IGDCC4: variants seen among roughly 807,000 people sequenced by gnomAD.
IGDCC4 encodes the protein likely ortholog of mouse neighbor of Punc E11.
IGDCC4 carries 72 observed loss-of-function variants against 116.6 expected under a neutral mutation model. That is an observed-to-expected ratio of 0.62 (90% CI 0.51 to 0.75). The LOEUF (loss-of-function observed/expected upper bound fraction) is 0.75. IGDCC4 is among the 30% of genes least tolerant of loss of function. The pLI is 0.00. For missense variants in IGDCC4, 1,501 were observed against 1,662.4 expected (o/e 0.90, Z 1.69); for synonymous variants, 709 against 719.9 (o/e 0.98, Z 0.24).
intron 3 of IGDCC4, among the ~76,000 whole-genome samples, chr15:65,406,408 C>G (rs2063041567): frequency 6.6e-6 from 1 of 152,188 alleles, no homozygotes; most frequent in Admixed American, 6.5e-5. Flanking sequence ...TCATTGATTA[C>G]TAGTTCCCAT....
intron 1 of IGDCC4, among the ~76,000 whole-genome samples, chr15:65,421,460 T>A (rs2063189572): frequency 6.6e-6 from 1 of 152,138 alleles, no homozygotes. Context: ...CGCGGCGGCC[T>A]CCAGCTTAAT....
chr15:65,396,910 G>A lies in IGDCC4; in HGVS notation c.921C>T (p.Ser307=). 1 of 1,573,172 alleles carries A rather than the reference G, an allele frequency of 6.4e-7. No homozygotes were observed. The highest frequency in any genetic ancestry group is 8.6e-7 in the Non-Finnish European group (1 of 1,159,022). Residue 307 remains serine (S), a synonymous_variant, in exon 6 of 20, where the codon TCC becomes TCT. Coordinates refer to ENST00000352385, the MANE Select transcript of IGDCC4 (RefSeq NM_020962.3). The part of the protein sequence containing the change: ...LLIANAQPWH[S]GVYVCRANKP... ...TGTTGGCGCGGCAGACATAGACGCC[G>A]GAGTGCCAGGGCTGCGCGTTGGCAA...
intron 3 of IGDCC4, 146 bp downstream of exon 3, chr15:65,410,032 C>T (rs1460856134): frequency 4.1e-6 from 4 of 965,660 alleles, no homozygotes; most frequent in Non-Finnish European, 4.5e-6. Flanking sequence ...TGGGACTAGA[C>T]ATGAGCCAGG....
At position 65,388,524 on chromosome 15, in the gene IGDCC4, C is replaced by T; in HGVS notation, c.2770G>A (p.Gly924Arg). The change falls in exon 16 of 20, where the codon GGG becomes AGG. Residue 924 changes from glycine (G) to arginine (R), a missense_variant. Physicochemically the swap from Gly to Arg is moderately radical, Grantham distance 125. This residue lies in a region of IGDCC4 where 235 missense variants were observed against 328.0 expected (regional missense o/e 0.72). Coordinates refer to ENST00000352385, the MANE Select transcript of IGDCC4 (RefSeq NM_020962.3). ...ESDTRYFFKM[G>R]ARTEVGPGPF... ...CCAGGTCCCACCTCTGTGCGCGCCC[C>T]CATCTTGAAGAAGTACCGAGTGTCG... 1.2e-6 allele frequency: 2 copies of T among 1,614,176 alleles called. No individual in the cohort carries two copies. Among genetic ancestry groups the T allele is most frequent in the Non-Finnish European group, 1.7e-6 (2 of 1,180,038 alleles).
Position 65,386,030 on chromosome 15 carries a change from G to T in IGDCC4, c.2981C>A (p.Ala994Asp). The part of the protein sequence containing the change: ...RESLPGLSST[A>D]TPGNPALYSR... ...GTACAGCGCGGGATTCCCGGGGGTG[G>T]CGGTGGAGGACAGGCCTGGGAGGGA... The change falls in exon 18 of 20, where the codon GCC (alanine) becomes GAC (aspartate). Residue 994 changes from alanine (A) to aspartate (D), a missense_variant. Ala to Asp is a moderately radical substitution (Grantham distance 126). Around this residue, in one of 3 missense-constraint regions of IGDCC4, gnomAD observed 368 missense variants for 355.6 expected, o/e 1.03. Transcript: ENST00000352385. 1 of 1,546,986 alleles carries T rather than the reference G, an allele frequency of 6.5e-7. No homozygotes were observed. Among genetic ancestry groups the T allele is most frequent in the African/African-American group, 1.4e-5 (1 of 72,354 alleles).
At chr15:65,394,972 G>A (rs190651600) in intron 8 of IGDCC4, 122 bp downstream of exon 8, 17 of 1,088,600 alleles carry the variant, frequency 1.6e-5, no homozygotes, top group South Asian at 8.6e-5. Flanking sequence ...ACTCTCTTAC[G>A]GGGCACAAAA....
At position 65,395,199 on chromosome 15, in the gene IGDCC4, G is replaced by T. The variant is rs749510394; in HGVS notation, c.1471C>A (p.Arg491=). 2 of 1,613,966 alleles carry T rather than the reference G, an allele frequency of 1.2e-6. No individual in the cohort carries two copies. Among genetic ancestry groups the T allele is most frequent in the African/African-American group, 2.7e-5 (2 of 75,004 alleles). The change falls in exon 8 of 20, where the codon CGG becomes AGG. Residue 491 remains arginine (R), a synonymous_variant. Transcript: ENST00000352385. ...VNNDTTELQV[R]DLEPNTDYEF... ...TAATCTGTGTTGGGTTCCAGGTCCC[G>T]AACCTGTAGTTCTGTGGTGTCGTTG... is the stretch of plus-strand genomic sequence containing the variant.
At chr15:65,390,134 A>T in intron 13 of IGDCC4, 21 bp downstream of exon 13, 2 of 1,530,862 alleles carry the variant, frequency 1.3e-6, no homozygotes, top group Non-Finnish European at 1.8e-6. Flanking sequence ...TCTTTACATT[A>T]GTAAAGGCAT....
In IGDCC4 at chr15:65,397,658, C is replaced by T. The variant is rs60261687; in HGVS notation, c.842-669G>A. 2.7e-3 allele frequency among the ~76,000 whole-genome samples: 396 copies of T among 146,326 alleles called. 4 individuals carry two copies. The highest frequency in any genetic ancestry group is 0.023 in the East Asian group (111 of 4,828). ...CAGCCTGGGCAACATAGTGAGACTC[C>T]GTCTCTATAAAAAAAAAAAAAAAAA... On this transcript the variant is annotated intron_variant, in intron 5 of 19. Coordinates refer to ENST00000352385, the MANE Select transcript of IGDCC4 (RefSeq NM_020962.3).
At chr15:65,405,609 A>G (rs2063033846) in intron 3 of IGDCC4, among the ~76,000 whole-genome samples, 1 of 152,180 alleles carries the variant, frequency 6.6e-6, no homozygotes, top group African/African-American at 2.4e-5. Context: ...ACATAAACAT[A>G]TTTATGAATT....
intron 3 of IGDCC4, among the ~76,000 whole-genome samples, chr15:65,404,061 G>A (rs149556986): frequency 5.9e-4 from 90 of 152,180 alleles, no homozygotes; most frequent in African/African-American, 2.1e-3. Flanking sequence ...GCAGTTGTGC[G>A]CTTGGTGGAG....
chr15:65,400,142 A>G (rs2062970280), intron 5 of IGDCC4, among the ~76,000 whole-genome samples: 1 of 152,188 alleles, frequency 6.6e-6, no homozygotes, highest in South Asian at 2.1e-4. Context: ...TGCTTAGGAG[A>G]CTGCACAGTG....
chr15:65,405,078 G>A (rs2063027195), intron 3 of IGDCC4, among the ~76,000 whole-genome samples: 1 of 144,100 alleles, frequency 6.9e-6, no homozygotes, highest in Non-Finnish European at 1.5e-5. Flanking sequence ...TTGCTAAAAT[G>A]TGTTTTTAGA....
intron 3 of IGDCC4, 152 bp downstream of exon 3, chr15:65,410,026 A>T: frequency 1.1e-6 from 1 of 915,532 alleles, no homozygotes; most frequent in Non-Finnish European, 1.6e-6. Flanking sequence ...TCTCTTTGGG[A>T]CTAGACATGA....
chr15:65,405,021 C>G (rs1159609726), intron 3 of IGDCC4, among the ~76,000 whole-genome samples: 1 of 151,700 alleles, frequency 6.6e-6, no homozygotes, highest in East Asian at 1.9e-4. Flanking sequence ...CACCGCACTC[C>G]AACCTGGGTG....
At position 65,394,474 on chromosome 15, in the gene IGDCC4, G is replaced by T. The variant is rs139775487; in HGVS notation, c.1651C>A (p.Pro551Thr). 7 of 1,613,952 alleles carry T rather than the reference G, an allele frequency of 4.3e-6. No individual in the cohort carries two copies. The Admixed American group carries it at 6.7e-5, about 15-fold the overall frequency. Residue 551 changes from proline (P) to threonine (T), a missense_variant, in exon 9 of 20, where the codon CCC becomes ACC. Physicochemically the swap from Pro to Thr is conservative, Grantham distance 38. This residue lies in a region of IGDCC4 where 898 missense variants were observed against 978.9 expected (regional missense o/e 0.92). Coordinates refer to ENST00000352385, the MANE Select transcript of IGDCC4 (RefSeq NM_020962.3). ...SDIRVAWLPL[P>T]PSLSNGQVVK... The stretch of plus-strand genomic sequence containing the variant: ...ACCTGCCCATTGCTCAGGCTGGGGG[G>T]CAGGGGCAGCCACGCCACCCTGATG...
rs1426298045 is a variant in IGDCC4, at chr15:65,410,308, A to G, written c.433T>C (p.Phe145Leu). 5 of 1,613,916 alleles carry G rather than the reference A, an allele frequency of 3.1e-6. No homozygotes were observed. In the African/African-American group the frequency reaches 6.7e-5, roughly 22 times the overall value. ...GTCTGAGACTCCGGGTGCAGAGAGAAGTCTGCGAGTGCTGGGGACAGTGAG... is the reference window on the plus strand; with the variant it reads ...GTCTGAGACTCCGGGTGCAGAGAGAGGTCTGCGAGTGCTGGGGACAGTGAG... The part of the protein sequence containing the change: ...AVVKLATLAD[F>L]SLHPESQTVE... The change falls in exon 3 of 20, where the codon TTC (phenylalanine) becomes CTC (leucine). Residue 145 changes from phenylalanine to leucine, a missense_variant. This residue lies in a region of IGDCC4 where 898 missense variants were observed against 978.9 expected (regional missense o/e 0.92). Coordinates refer to ENST00000352385, the MANE Select transcript of IGDCC4 (RefSeq NM_020962.3).
In IGDCC4 at chr15:65,406,621, G is replaced by A. The variant is rs192921535; in HGVS notation, c.563+3557C>T. On this transcript the variant is annotated intron_variant, in intron 3 of 19. Transcript: ENST00000352385. ...AACCACTGGGCTGAGTTTATGAATA[G>A]CATATTTGTGCATGCACTATATCTG... Among the ~76,000 whole-genome samples the A allele has an allele frequency of 2.1e-4, 32 of 152,314 alleles. No homozygotes were observed. The East Asian group carries it at 3.9e-3, about 18-fold the overall frequency.
rs763513392 is a variant in IGDCC4 at position 65,385,814 on chromosome 15, G to A, written c.3180+17C>T. On this transcript the variant is annotated intron_variant, in intron 18 of 19. Coordinates refer to ENST00000352385, the MANE Select transcript of IGDCC4 (RefSeq NM_020962.3). ...GTCCTATTTAGAAAAGAGCCGCAAT[G>A]TGGGGCTCTGACTTACCTTTCTTTT... 6.3e-7 allele frequency: 1 copy of A among 1,589,148 alleles called. No individual in the cohort carries two copies. The highest frequency in any genetic ancestry group is 1.1e-5 in the South Asian group (1 of 90,592).
Sources: gnomAD v4.1 joint callset for allele counts (sites outside exome capture counted in the v4.1 genomes callset) on GRCh38, gnomAD v4.1.1 for gene constraint, gnomAD v4.1.1 regional missense constraint, MANE v1.5 for transcripts, NCBI Gene and HGNC (gene_info 2026-07-23, HGNC 2026-07-21) for gene names.